The following WASF2 variants were observed in gnomAD, a reference collection of about 807,000 sequenced individuals.
WASF2 encodes the protein actin-binding protein WASF2.
WASF2 carries 14 observed loss-of-function variants against 45.0 expected under a neutral mutation model. The ratio of observed to expected loss-of-function variants is 0.31; its 90% CI spans 0.21 to 0.49. WASF2 has a LOEUF of 0.49. Among genes scored for constraint, WASF2 ranks in the 20% least tolerant of loss-of-function variants. The pLI is 0.99. For missense variants in WASF2, 439 were observed against 636.1 expected, an observed-to-expected ratio of 0.69 and a Z score of 3.33; for synonymous variants, 200 against 236.3, an observed-to-expected ratio of 0.85 and a Z score of 1.41.
intron 1 of WASF2, among the ~76,000 whole-genome samples, chr1:27,444,015 G>T (rs1372089035): frequency 6.6e-6 from 1 of 152,122 alleles, no homozygotes; most frequent in Admixed American, 6.5e-5. Flanking sequence ...TCCTGACCTT[G>T]TGATCTGCCC....
At chr1:27,429,645 G>A (rs535424098) in intron 1 of WASF2, among the ~76,000 whole-genome samples, 72 of 151,996 alleles carry the variant, frequency 4.7e-4, no homozygotes, top group Admixed American at 2.3e-3. Context: ...GGCGTGTCGC[G>A]GGTGCCTGTA....
intron 1 of WASF2, among the ~76,000 whole-genome samples, chr1:27,435,492 G>A (rs1366976442): frequency 6.6e-6 from 1 of 152,082 alleles, no homozygotes; most frequent in Non-Finnish European, 1.5e-5. Flanking sequence ...GGAAGCTGAG[G>A]TGGGAGGATC....
rs2148092445 is a variant in WASF2, at chr1:27,405,465, GT to G, written c.*2723del. On this transcript the variant is annotated 3_prime_UTR_variant, in exon 9 of 9. Transcript: ENST00000618852. ...CGCTTAGGAGTCCTTATGGGCCATT[GT>G]TCCATACTCTCACTAGCTTAGGCCC... 1 of 152,308 alleles carries G rather than the reference GT, an allele frequency of 6.6e-6. No individual in the cohort carries two copies. The highest frequency in any genetic ancestry group is 6.5e-5 in the Admixed American group (1 of 15,312). 9.4% of individuals were successfully genotyped at this position (152,308 alleles called of 1,614,324 possible).
rs190831110 is a variant in WASF2 at position 27,441,321 on chromosome 1, T to G, written c.-43-12388A>C. On this transcript the variant is annotated intron_variant, in intron 1 of 8. Transcript: ENST00000618852. ...CAGCCTGGGCAAAATGACAAGGCCC[T>G]GTCTCTATAAAAAATGAAAAACGTG... is the stretch of plus-strand genomic sequence containing the variant. Among the ~76,000 whole-genome samples, 1,193 of 150,764 alleles carry G rather than the reference T, an allele frequency of 7.9e-3. 65 individuals are homozygous for G. The highest frequency in any genetic ancestry group is 0.072 in the Admixed American group (1,099 of 15,162).
intron 1 of WASF2, among the ~76,000 whole-genome samples, chr1:27,475,963 T>C: frequency 6.6e-6 from 1 of 152,176 alleles, no homozygotes; most frequent in African/African-American, 2.4e-5. Flanking sequence ...TTACTGTCTA[T>C]CCAAGGCTTC....
chr1:27,425,604 C>G (rs1174396591), intron 2 of WASF2, among the ~76,000 whole-genome samples: 1 of 152,020 alleles, frequency 6.6e-6, no homozygotes, highest in Non-Finnish European at 1.5e-5. Context: ...TCTGGGAGGC[C>G]CAGGTGGGCG....
intron 1 of WASF2, among the ~76,000 whole-genome samples, chr1:27,489,022 T>C (rs1399934476): frequency 6.6e-6 from 1 of 152,052 alleles, no homozygotes; most frequent in Non-Finnish European, 1.5e-5. Context: ...CCTCCTGAAT[T>C]CTGGACCTAA....
chr1:27,465,076 ACAT>A (rs1456750524), intron 1 of WASF2, among the ~76,000 whole-genome samples: 1 of 152,170 alleles, frequency 6.6e-6, no homozygotes, highest in Non-Finnish European at 1.5e-5. Context: ...GCAAGGAAAC[ACAT>A]TCTGACTGGC....
chr1:27,419,947 C>T (rs2016883193), intron 2 of WASF2, among the ~76,000 whole-genome samples: 1 of 152,066 alleles, frequency 6.6e-6, no homozygotes, highest in South Asian at 2.1e-4. Flanking sequence ...CTCTGTCACC[C>T]AGGCTGCAGT....
intron 1 of WASF2, among the ~76,000 whole-genome samples, chr1:27,484,614 T>C (rs2017897549): frequency 6.6e-6 from 1 of 151,900 alleles, no homozygotes; most frequent in Non-Finnish European, 1.5e-5. Context: ...AAGACCATCC[T>C]GGCTAACAAG....
intron 1 of WASF2, among the ~76,000 whole-genome samples, chr1:27,442,349 G>A (rs944478686): frequency 2.0e-5 from 3 of 152,156 alleles, no homozygotes; most frequent in Non-Finnish European, 2.9e-5. Context: ...TTCAAGACCA[G>A]CCTGGCCAAT....
intron 1 of WASF2, among the ~76,000 whole-genome samples, chr1:27,443,821 C>T (rs1224879496): frequency 6.6e-6 from 1 of 151,732 alleles, no homozygotes; most frequent in Admixed American, 6.6e-5. Flanking sequence ...CTCTTTTGCC[C>T]CGGCTGGAGT....
chr1:27,462,589 A>T (rs767507758), intron 1 of WASF2, among the ~76,000 whole-genome samples: 2 of 152,062 alleles, frequency 1.3e-5, no homozygotes, highest in Non-Finnish European at 2.9e-5. Context: ...GACAGGCATG[A>T]GCCACCATAC....
At chr1:27,485,025 C>G (rs2017904735) in intron 1 of WASF2, among the ~76,000 whole-genome samples, 2 of 151,864 alleles carry the variant, frequency 1.3e-5, no homozygotes, top group African/African-American at 4.8e-5. Flanking sequence ...TGGCAGACAC[C>G]TGTAATCCCA....
intron 1 of WASF2, among the ~76,000 whole-genome samples, chr1:27,461,894 T>G (rs1342504872): frequency 6.6e-6 from 1 of 151,926 alleles, no homozygotes; most frequent in Non-Finnish European, 1.5e-5. Context: ...ACTCTTGGGA[T>G]CAAGTGATCC....
At chr1:27,477,925 A>AAAT (rs2017791285) in intron 1 of WASF2, among the ~76,000 whole-genome samples, 1 of 146,492 alleles carries the variant, frequency 6.8e-6, no homozygotes, top group African/African-American at 2.7e-5. Flanking sequence ...TAAATAAAAA[A>AAAT]AAAAATAAAA....
In WASF2 at chr1:27,446,514, C is replaced by T. The variant is rs747470174; in HGVS notation, c.-43-17581G>A. Reference sequence around the variant, plus strand: ...CCAAGACAAAATTTGTTAGAAGAAACGCCTATAATCCCAACCAGCACTTTG... The same window carrying T: ...CCAAGACAAAATTTGTTAGAAGAAATGCCTATAATCCCAACCAGCACTTTG... On this transcript the variant is annotated intron_variant, in intron 1 of 8. Transcript: ENST00000618852. 9.8e-4 allele frequency among the ~76,000 whole-genome samples: 149 copies of T among 152,100 alleles called. 3 individuals are homozygous for T. The highest frequency in any genetic ancestry group is 1.2e-3 in the Admixed American group (18 of 15,252).
At chr1:27,454,587 C>T (rs997174132) in intron 1 of WASF2, among the ~76,000 whole-genome samples, 4 of 152,146 alleles carry the variant, frequency 2.6e-5, no homozygotes, top group African/African-American at 7.2e-5. Context: ...ATCCTCCCGC[C>T]TTGGCCTCCC....
chr1:27,446,484 C>A (rs2017310980), intron 1 of WASF2, among the ~76,000 whole-genome samples: 1 of 152,112 alleles, frequency 6.6e-6, no homozygotes, highest in African/African-American at 2.4e-5. Flanking sequence ...CTTGTAAAGA[C>A]AACTCCAAGA....
Sources: allele counts gnomAD v4.1 joint callset (sites outside exome capture counted in the v4.1 genomes callset), GRCh38; gene constraint gnomAD v4.1.1; transcripts MANE v1.5; gene names NCBI Gene and HGNC (gene_info 2026-07-23, HGNC 2026-07-21).